The following CSMD1 variants were observed in gnomAD, a reference collection of about 807,000 sequenced individuals.
CSMD1 encodes the protein CUB and sushi domain-containing protein 1.
In CSMD1, 213 loss-of-function variants were observed where a neutral mutation model predicts 417.5. The ratio of observed to expected loss-of-function variants is 0.51; its 90% CI spans 0.46 to 0.57. The LOEUF (loss-of-function observed/expected upper bound fraction) is 0.57, where lower values mean the gene tolerates loss of function less well. Among genes scored for constraint, CSMD1 ranks in the 20% least tolerant of loss-of-function variants. The pLI is 0.00. For missense variants in CSMD1, 6,923 were observed against 4,529.7 expected, an observed-to-expected ratio of 1.53 and a Z score of -15.17; for synonymous variants, 2,862 against 1,736.8, an observed-to-expected ratio of 1.65 and a Z score of -16.11.
chr8:3,503,509 T>C (rs1219064667), intron 10 of CSMD1, among the ~76,000 whole-genome samples: 1 of 152,220 alleles, frequency 6.6e-6, no homozygotes, highest in Non-Finnish European at 1.5e-5. Context: ...CCAAGAAACT[T>C]GGTATTTCAT....
chr8:2,993,467 C>T (rs570005625), intron 54 of CSMD1, among the ~76,000 whole-genome samples: 2 of 152,312 alleles, frequency 1.3e-5, no homozygotes, highest in African/African-American at 4.8e-5. Flanking sequence ...GGCACTGAGG[C>T]AGAGGCAAAG....
rs1471885920 is a variant in CSMD1 at position 3,876,228 on chromosome 8, G to A, written c.818+121675C>T. Among the ~76,000 whole-genome samples the A allele has an allele frequency of 5.3e-5, 8 of 152,216 alleles. No individual in the cohort carries two copies. The South Asian group carries it at 6.2e-4, about 12-fold the overall frequency. ...GAAAACTCCTCTCACCCCTGATATC[G>A]CTAAGCCAGACGTTTAAAATCAAAT... On this transcript the variant is annotated intron_variant, in intron 5 of 69. Coordinates refer to ENST00000635120, the MANE Select transcript of CSMD1 (RefSeq NM_033225.6).
chr8:4,276,579 C>G (rs573951053), intron 3 of CSMD1, among the ~76,000 whole-genome samples: 2 of 152,158 alleles, frequency 1.3e-5, no homozygotes, highest in South Asian at 2.1e-4. Flanking sequence ...TACCCCAGAA[C>G]TTTAAGTATA....
intron 3 of CSMD1, among the ~76,000 whole-genome samples, chr8:4,326,008 G>A (rs561930440): frequency 6.6e-6 from 1 of 152,078 alleles, no homozygotes; most frequent in South Asian, 2.1e-4. Flanking sequence ...CAGTAAAGAC[G>A]TTGGCTCGCT....
chr8:3,483,689 G>C (rs1480769793), intron 11 of CSMD1, among the ~76,000 whole-genome samples: 1 of 152,008 alleles, frequency 6.6e-6, no homozygotes, highest in African/African-American at 2.4e-5. Context: ...AAAAAAGAAA[G>C]AGAAAACTAT....
chr8:3,910,573 G>T (rs1392263149), intron 5 of CSMD1, among the ~76,000 whole-genome samples: 1 of 152,146 alleles, frequency 6.6e-6, no homozygotes, highest in Non-Finnish European at 1.5e-5. Flanking sequence ...ACAGTATTAT[G>T]AATGCATTAT....
At chr8:4,734,962 G>C (rs1006585529) in intron 1 of CSMD1, among the ~76,000 whole-genome samples, 11 of 152,112 alleles carry the variant, frequency 7.2e-5, no homozygotes, top group Non-Finnish European at 1.6e-4. Flanking sequence ...TGGGATTCTG[G>C]GAAAGTTTCC....
intron 10 of CSMD1, among the ~76,000 whole-genome samples, chr8:3,566,578 T>G (rs762977312): frequency 7.6e-6 from 1 of 132,214 alleles, no homozygotes; most frequent in Admixed American, 8.4e-5. Context: ...AAAAAGAACT[T>G]AGATTTTCAA....
chr8:3,815,152 A>G (rs1801303227), intron 5 of CSMD1, among the ~76,000 whole-genome samples: 1 of 152,196 alleles, frequency 6.6e-6, no homozygotes, highest in Non-Finnish European at 1.5e-5. Context: ...TCCCAGATAT[A>G]GGGTGAGAAG....
intron 3 of CSMD1, among the ~76,000 whole-genome samples, chr8:4,033,787 A>G (rs904454872): frequency 4.6e-5 from 7 of 152,304 alleles, no homozygotes; most frequent in East Asian, 1.9e-4. Context: ...TTTCCTTGAT[A>G]TGATTCTCTA....
At chr8:3,712,244 C>CA (rs1801555736) in intron 6 of CSMD1, among the ~76,000 whole-genome samples, 1 of 151,792 alleles carries the variant, frequency 6.6e-6, no homozygotes, top group African/African-American at 2.4e-5. Flanking sequence ...AGGGTCCACC[C>CA]GGTGTCTGGA....
At chr8:3,900,716 A>G (rs1021893292) in intron 5 of CSMD1, among the ~76,000 whole-genome samples, 2 of 152,010 alleles carry the variant, frequency 1.3e-5, no homozygotes, top group Admixed American at 1.3e-4. Context: ...ATGACTGTGT[A>G]GCTGGGTGAC....
intron 3 of CSMD1, among the ~76,000 whole-genome samples, chr8:4,370,640 A>T (rs1035348134): frequency 1.3e-5 from 2 of 152,266 alleles, no homozygotes; most frequent in Admixed American, 1.3e-4. Flanking sequence ...TTAAAAATTC[A>T]TTTTTAATTT....
chr8:3,114,342 TGTTAA>T (rs1317170271), intron 42 of CSMD1, among the ~76,000 whole-genome samples: 1 of 151,932 alleles, frequency 6.6e-6, no homozygotes, highest in South Asian at 2.1e-4. Context: ...TCTAGTATTA[TGTTAA>T]GTTTTTTGCC....
At chr8:3,839,142 T>C (rs1802929255) in intron 5 of CSMD1, among the ~76,000 whole-genome samples, 1 of 126,954 alleles carries the variant, frequency 7.9e-6, no homozygotes, top group Non-Finnish European at 1.6e-5. Context: ...TAGATATATA[T>C]AGTCTATATA....
In CSMD1 at chr8:3,738,740, G is replaced by A. The variant is rs556663933; in HGVS notation, c.931+15190C>T. Reference sequence around the variant, plus strand: ...TGTGGTCACCAACCCTAATTTCAAAGACAAATTCAGAGTAACGTAAAATAA... The same window carrying A: ...TGTGGTCACCAACCCTAATTTCAAAAACAAATTCAGAGTAACGTAAAATAA... On this transcript the variant is annotated intron_variant, in intron 6 of 69. Transcript: ENST00000635120. 2.6e-5 allele frequency among the ~76,000 whole-genome samples: 4 copies of A among 152,302 alleles called. No individual in the cohort carries two copies. In the South Asian group the frequency reaches 8.3e-4, roughly 32 times the overall value.
chr8:2,952,535 A>C (rs1348557111), intron 65 of CSMD1, among the ~76,000 whole-genome samples: 2 of 152,326 alleles, frequency 1.3e-5, no homozygotes, highest in East Asian at 3.9e-4. Context: ...ATATATCCAC[A>C]CAAGTATCTA....
chr8:3,995,618 C>A (rs1815149992), intron 5 of CSMD1, among the ~76,000 whole-genome samples: 1 of 152,342 alleles, frequency 6.6e-6, no homozygotes, highest in South Asian at 2.1e-4. Flanking sequence ...GCTCCATCAG[C>A]TTTGCCATCT....
At chr8:3,080,547 G>A (rs1814013755) in intron 49 of CSMD1, among the ~76,000 whole-genome samples, 1 of 152,168 alleles carries the variant, frequency 6.6e-6, no homozygotes, top group Non-Finnish European at 1.5e-5. Flanking sequence ...TTTATTTGCT[G>A]AATCCAGAAG....
Sources: gnomAD v4.1 joint callset for allele counts (sites outside exome capture counted in the v4.1 genomes callset) on GRCh38, gnomAD v4.1.1 for gene constraint, MANE v1.5 for transcripts, NCBI Gene and HGNC (gene_info 2026-07-23, HGNC 2026-07-21) for gene names.